TMC2: variants seen among roughly 807,000 people sequenced by gnomAD.
The protein encoded by TMC2 is transmembrane channel like 2.
In TMC2, 102 loss-of-function variants were observed where a neutral mutation model predicts 105.9. The ratio of observed to expected loss-of-function variants is 0.96; its 90% CI spans 0.82 to 1.14. The LOEUF is 1.14. Among genes scored for constraint, TMC2 ranks in the 50% most tolerant of loss-of-function variants. The probability of loss-of-function intolerance (pLI) is 0.00; values close to 1 mark genes in which losing one functional copy is unlikely to be tolerated. For missense variants in TMC2, 1,093 were observed against 1,134.3 expected (o/e 0.96, Z 0.52); for synonymous variants, 402 against 422.8 (o/e 0.95, Z 0.60).
intron 3 of TMC2, among the ~76,000 whole-genome samples, chr20:2,560,497 G>A (rs528443337): frequency 6.6e-6 from 1 of 152,124 alleles, no homozygotes; most frequent in African/African-American, 2.4e-5. Context: ...TTACCTACCC[G>A]ATTGGGCGCT....
intron 17 of TMC2, among the ~76,000 whole-genome samples, chr20:2,634,017 T>C (rs957246157): frequency 6.6e-6 from 1 of 152,264 alleles, no homozygotes; most frequent in Non-Finnish European, 1.5e-5. Flanking sequence ...TTAAAGACTT[T>C]GTTAAAACCT....
rs554982676 is a variant in TMC2 at position 2,602,684 on chromosome 20, C to G, written c.1413+383C>G. ...TGTCTATTCCTGCACAAATAACAAACTGATATACTATGCATTTACACTATG... is the reference window on the plus strand; with the variant it reads ...TGTCTATTCCTGCACAAATAACAAAGTGATATACTATGCATTTACACTATG... On this transcript the variant is annotated intron_variant, in intron 11 of 19. Transcript: ENST00000358864. 3.3e-5 allele frequency among the ~76,000 whole-genome samples: 5 copies of G among 152,350 alleles called. No individual in the cohort carries two copies. The South Asian group carries it at 1.0e-3, about 32-fold the overall frequency.
intron 2 of TMC2, among the ~76,000 whole-genome samples, chr20:2,550,801 C>G (rs967417998): frequency 1.3e-5 from 2 of 152,202 alleles, no homozygotes; most frequent in Admixed American, 6.5e-5. Flanking sequence ...TCCCTCATGT[C>G]TTTTCATCGC....
intron 19 of TMC2, 36 bp downstream of exon 19, chr20:2,637,627 GC>G: frequency 6.9e-7 from 1 of 1,449,574 alleles, no homozygotes; most frequent in Non-Finnish European, 9.7e-7. Context: ...GTTTTACAAG[GC>G]CACATGGAAA....
At chr20:2,545,723 T>G (rs2085918878) in intron 2 of TMC2, among the ~76,000 whole-genome samples, 1 of 131,340 alleles carries the variant, frequency 7.6e-6, no homozygotes, top group African/African-American at 2.9e-5. Flanking sequence ...AAGAAGAAGA[T>G]GAGGAAGAAG....
At chr20:2,632,020 G>T (rs1167572915) in intron 17 of TMC2, among the ~76,000 whole-genome samples, 2 of 146,990 alleles carry the variant, frequency 1.4e-5, no homozygotes, top group African/African-American at 5.2e-5. Flanking sequence ...CAAGTTCATT[G>T]ATTCTTTTTT....
chr20:2,589,114 G>T (rs530665557), intron 7 of TMC2, among the ~76,000 whole-genome samples: 1 of 151,936 alleles, frequency 6.6e-6, no homozygotes, highest in Non-Finnish European at 1.5e-5. Context: ...TGAGTGCTAC[G>T]CATTGTTTGT....
intron 4 of TMC2, among the ~76,000 whole-genome samples, chr20:2,567,327 A>C (rs969912683): frequency 6.6e-6 from 1 of 152,216 alleles, no homozygotes; most frequent in Non-Finnish European, 1.5e-5. Flanking sequence ...GGAAGTAATC[A>C]GGCAACATTA....
chr20:2,576,416 G>A (rs918645757), intron 5 of TMC2, among the ~76,000 whole-genome samples: 1 of 152,140 alleles, frequency 6.6e-6, no homozygotes, highest in Non-Finnish European at 1.5e-5. Context: ...TTTTCAGTCC[G>A]AGATATCCAC....
intron 4 of TMC2, among the ~76,000 whole-genome samples, chr20:2,568,757 A>T (rs562791152): frequency 1.1e-4 from 17 of 152,266 alleles, no homozygotes; most frequent in Non-Finnish European, 1.8e-4. Flanking sequence ...TCTCCTGCCA[A>T]GGGGGGGAAC....
At chr20:2,545,039 A>G (rs2085914246) in intron 2 of TMC2, among the ~76,000 whole-genome samples, 1 of 129,810 alleles carries the variant, frequency 7.7e-6, no homozygotes, top group South Asian at 2.6e-4. Context: ...TCTACCAAAA[A>G]AAAAAAAAAA....
At chr20:2,549,946 G>A (rs1283088506) in intron 2 of TMC2, among the ~76,000 whole-genome samples, 1 of 152,134 alleles carries the variant, frequency 6.6e-6, no homozygotes, top group African/African-American at 2.4e-5. Context: ...ACTTTGGGAG[G>A]ACGAGTTGCA....
At position 2,643,210 on chromosome 20, in the gene TMC2, T is replaced by G. The variant is rs1446704160; in HGVS notation, c.*1859T>G. On this transcript the variant is annotated 3_prime_UTR_variant, in exon 20 of 20. Coordinates refer to ENST00000358864, the MANE Select transcript of TMC2 (RefSeq NM_080751.3). Reference sequence around the variant, plus strand: ...AGCCCCAAATCCAAAACTGCCTGTGTGTCATATGCCTTCCCCCAAGCTAAC... The same window carrying G: ...AGCCCCAAATCCAAAACTGCCTGTGGGTCATATGCCTTCCCCCAAGCTAAC... Among the ~76,000 whole-genome samples, 1 of 152,136 alleles carries G rather than the reference T, an allele frequency of 6.6e-6. No homozygotes were observed. Among genetic ancestry groups the G allele is most frequent in the Non-Finnish European group, 1.5e-5 (1 of 68,026 alleles).
chr20:2,576,262 A>C (rs2086143550), intron 5 of TMC2, among the ~76,000 whole-genome samples: 1 of 152,144 alleles, frequency 6.6e-6, no homozygotes, highest in Admixed American at 6.5e-5. Context: ...ACCACCTCAC[A>C]CAGGCCTGAG....
chr20:2,633,620 G>A (rs897255550), intron 17 of TMC2, among the ~76,000 whole-genome samples: 1 of 152,138 alleles, frequency 6.6e-6, no homozygotes, highest in Non-Finnish European at 1.5e-5. Context: ...ATCAACCACT[G>A]GATAAATCAA....
In TMC2 at chr20:2,592,464, T is replaced by C. The variant is rs1285442133; in HGVS notation, c.933+56T>C. On this transcript the variant is annotated intron_variant, in intron 8 of 19. Transcript: ENST00000358864. This position sits in a 1 kb window ranked among gnomAD's most constrained non-coding sequence, Gnocchi z 4.9. ...ATTTGTGATTATAAAGGCTAAAGAT[T>C]GCATGGATAAGTATGAAATAGTGCG... 16 of 1,179,712 alleles carry C rather than the reference T, an allele frequency of 1.4e-5. No homozygotes were observed. In the South Asian group the frequency reaches 1.9e-4, roughly 14 times the overall value. 73.1% of individuals were successfully genotyped at this position (1,179,712 alleles called of 1,614,324 possible). A position where few individuals can be genotyped will look rare whatever the true frequency, so the allele number is the denominator to read the frequency against.
intron 2 of TMC2, among the ~76,000 whole-genome samples, chr20:2,551,133 T>A (rs1314734768): frequency 6.7e-6 from 1 of 149,546 alleles, no homozygotes; most frequent in Non-Finnish European, 1.5e-5. Context: ...TTGTTCTACA[T>A]TTTTTTATAG....
In TMC2 at chr20:2,564,947, G is replaced by T. The variant is rs530183213; in HGVS notation, c.554+2937G>T. Reference sequence around the variant, plus strand: ...GCCTCTAGTCTCCACCCGAGCTGGTGCCTCTGCCTAGAAGATCTGTGCTTT... The same window carrying T: ...GCCTCTAGTCTCCACCCGAGCTGGTTCCTCTGCCTAGAAGATCTGTGCTTT... On this transcript the variant is annotated intron_variant, in intron 4 of 19. Coordinates refer to ENST00000358864, the MANE Select transcript of TMC2 (RefSeq NM_080751.3). Among the ~76,000 whole-genome samples, 10 of 152,294 alleles carry T rather than the reference G, an allele frequency of 6.6e-5. No homozygotes were observed. In the South Asian group the frequency reaches 2.1e-3, roughly 32 times the overall value.
At chr20:2,560,649 A>G (rs2086019594) in intron 3 of TMC2, among the ~76,000 whole-genome samples, 1 of 152,066 alleles carries the variant, frequency 6.6e-6, no homozygotes, top group Non-Finnish European at 1.5e-5. Flanking sequence ...CATCCTGGCT[A>G]ACATGGTGAA....
Sources: allele counts gnomAD v4.1 joint callset (sites outside exome capture counted in the v4.1 genomes callset), GRCh38; gene constraint gnomAD v4.1.1; non-coding constraint Gnocchi (gnomAD v3.1); transcripts MANE v1.5; gene names NCBI Gene and HGNC (gene_info 2026-07-23, HGNC 2026-07-21).